Variants in SLC4A4 observed in about 807,000 individuals in gnomAD.
SLC4A4 encodes electrogenic sodium bicarbonate cotransporter 1.
In SLC4A4, 27 loss-of-function variants were observed where a neutral mutation model predicts 111.5. The ratio of observed to expected loss-of-function variants is 0.24; its 90% CI spans 0.18 to 0.33. SLC4A4 has a LOEUF of 0.33. Among genes scored for constraint, SLC4A4 ranks in the 10% least tolerant of loss-of-function variants. SLC4A4 has a pLI of 1.00. For synonymous variants in SLC4A4, 443 were observed against 463.4 expected, an observed-to-expected ratio of 0.96 and a Z score of 0.57; for missense variants, 909 against 1,315.5, an observed-to-expected ratio of 0.69 and a Z score of 4.78.
chr4:71,064,737 G>T (rs1741472018), intron 1 of SLC4A4, among the ~76,000 whole-genome samples: 1 of 152,142 alleles, frequency 6.6e-6, no homozygotes, highest in Non-Finnish European at 1.5e-5. Context: ...AATCTCTGTG[G>T]TTCATGGACA....
intron 1 of SLC4A4, among the ~76,000 whole-genome samples, chr4:71,083,232 T>C (rs1387651017): frequency 6.6e-6 from 1 of 152,206 alleles, no homozygotes; most frequent in East Asian, 1.9e-4. Flanking sequence ...GTTTAAAATT[T>C]AAATGTATGA....
intron 1 of SLC4A4, among the ~76,000 whole-genome samples, chr4:71,189,862 G>A (rs1187624043): frequency 2.6e-5 from 4 of 152,108 alleles, no homozygotes; most frequent in African/African-American, 9.7e-5. Context: ...GATAAGATTG[G>A]GAGTGGAAAG....
chr4:71,416,570 G>A (rs2149010053), intron 7 of SLC4A4, among the ~76,000 whole-genome samples: 1 of 152,132 alleles, frequency 6.6e-6, no homozygotes, highest in Admixed American at 6.5e-5. Context: ...ATTTCTTATT[G>A]GGCAAATGGA....
chr4:71,443,128 A>C lies in SLC4A4; in HGVS notation c.965+2355A>C, dbSNP rs867293231. Among the ~76,000 whole-genome samples the C allele has an allele frequency of 9.9e-3, 1,179 of 119,136 alleles. 1 individual carries two copies. The highest frequency in any genetic ancestry group is 0.024 in the East Asian group (93 of 3,840). 78.2% of individuals were successfully genotyped at this position (119,136 alleles called of 152,430 possible). A position where few individuals can be genotyped will look rare whatever the true frequency, so the allele number is the denominator to read the frequency against. On this transcript the variant is annotated intron_variant, in intron 8 of 25. Coordinates refer to ENST00000264485, the MANE Select transcript of SLC4A4 (RefSeq NM_001098484.3). The stretch of plus-strand genomic sequence containing the variant: ...TCTCTCTCTCTCTCTATATATATAT[A>C]TATATATATATATATATATATATAA...
At chr4:71,538,175 C>T (rs1374078067) in intron 18 of SLC4A4, among the ~76,000 whole-genome samples, 1 of 151,956 alleles carries the variant, frequency 6.6e-6, no homozygotes, top group Non-Finnish European at 1.5e-5. Context: ...TATCCTGTAT[C>T]TTTGGAGGTA....
intron 1 of SLC4A4, among the ~76,000 whole-genome samples, chr4:71,088,925 G>T (rs1163460630): frequency 1.3e-5 from 2 of 151,938 alleles, no homozygotes; most frequent in African/African-American, 2.4e-5. Context: ...GGCATTCTTT[G>T]TATTTCCTGA....
chr4:71,237,342 T>A (rs796914392), intron 2 of SLC4A4, among the ~76,000 whole-genome samples: 34 of 152,326 alleles, frequency 2.2e-4, no homozygotes, highest in African/African-American at 7.5e-4. Context: ...CAAAGCTGAA[T>A]TAATATTTAT....
chr4:71,340,341 C>T (rs182933463), intron 4 of SLC4A4, among the ~76,000 whole-genome samples: 25 of 152,254 alleles, frequency 1.6e-4, no homozygotes, highest in African/African-American at 5.5e-4. Context: ...ACTCACTGTA[C>T]AGTACAGTAA....
intron 7 of SLC4A4, among the ~76,000 whole-genome samples, chr4:71,421,015 G>T (rs1722417480): frequency 6.8e-6 from 1 of 147,068 alleles, no homozygotes; most frequent in African/African-American, 2.5e-5. Context: ...TGGACTAAAT[G>T]CTCCAATTAA....
chr4:71,103,130 G>C (rs1219329231), intron 2 of SLC4A4, among the ~76,000 whole-genome samples: 1 of 151,868 alleles, frequency 6.6e-6, no homozygotes, highest in Non-Finnish European at 1.5e-5. Flanking sequence ...CCTAGTTTCT[G>C]ATAAAACAGA....
intron 1 of SLC4A4, chr4:71,236,228 C>T: frequency 9.7e-7 from 1 of 1,027,390 alleles, no homozygotes; most frequent in Non-Finnish European, 1.2e-6. Flanking sequence ...AACTTCCTCT[C>T]TTGGTATTTT....
At chr4:71,130,467 G>T (rs1372693005) in intron 2 of SLC4A4, among the ~76,000 whole-genome samples, 1 of 151,990 alleles carries the variant, frequency 6.6e-6, no homozygotes, top group Non-Finnish European at 1.5e-5. Flanking sequence ...TCAACTCCTG[G>T]CTTCAAGCAA....
chr4:71,276,348 A>C (rs1723067256), intron 3 of SLC4A4, among the ~76,000 whole-genome samples: 1 of 152,146 alleles, frequency 6.6e-6, no homozygotes, highest in Admixed American at 6.5e-5. Flanking sequence ...AGTTACATAT[A>C]ATTTTGTCAT....
Position 71,088,639 on chromosome 4 carries a change from G to T in SLC4A4, c.-64-4091G>T, listed in dbSNP as rs866324704. Among the ~76,000 whole-genome samples, 19 of 151,948 alleles carry T rather than the reference G, an allele frequency of 1.3e-4. 1 individual carries two copies. Among genetic ancestry groups the T allele is most frequent in the Admixed American group, 7.9e-4 (12 of 15,256 alleles). ...TCTCAGTATTTGCTTGTCTGTAAAG[G>T]ATTTTATTTCTCCTTCACTTATGAA... is the stretch of plus-strand genomic sequence containing the variant. On this transcript the variant is annotated intron_variant, in intron 1 of 26. Transcript: ENST00000649996.
chr4:71,548,051 A>T (rs1012810060), intron 20 of SLC4A4, among the ~76,000 whole-genome samples: 10 of 151,810 alleles, frequency 6.6e-5, no homozygotes, highest in African/African-American at 2.4e-4. Context: ...CACATTTTTT[A>T]TTCTCCTTGT....
At chr4:71,073,660 A>G (rs2148931245) in intron 1 of SLC4A4, among the ~76,000 whole-genome samples, 1 of 152,220 alleles carries the variant, frequency 6.6e-6, no homozygotes, top group Admixed American at 6.5e-5. Flanking sequence ...CCTCCACTGG[A>G]ATGTAAGCTC....
chr4:71,203,115 TA>T (rs1282049618), intron 1 of SLC4A4, among the ~76,000 whole-genome samples: 5 of 152,122 alleles, frequency 3.3e-5, no homozygotes, highest in Admixed American at 6.5e-5. Flanking sequence ...ACTAGATGTG[TA>T]AAAATGTATT....
chr4:71,081,271 T>C (rs1407200379), intron 1 of SLC4A4, among the ~76,000 whole-genome samples: 4 of 152,086 alleles, frequency 2.6e-5, no homozygotes. Flanking sequence ...TTTGTGGAAA[T>C]TCCCCCACAA....
chr4:71,533,700 A>G (rs1197679593), intron 17 of SLC4A4, among the ~76,000 whole-genome samples: 1 of 152,042 alleles, frequency 6.6e-6, no homozygotes, highest in Non-Finnish European at 1.5e-5. Flanking sequence ...ATATAAAAAC[A>G]GTTATGGCTT....
Sources: allele counts gnomAD v4.1 joint callset (sites outside exome capture counted in the v4.1 genomes callset), GRCh38; gene constraint gnomAD v4.1.1; transcripts MANE v1.5; gene names NCBI Gene and HGNC (gene_info 2026-07-23, HGNC 2026-07-21).